The following DCHS2 variants were observed in gnomAD, a reference collection of about 807,000 sequenced individuals.
DCHS2 encodes the protein protocadherin-23.
DCHS2 carries 142 observed loss-of-function variants against 182.4 expected under a neutral mutation model. That is an observed-to-expected ratio of 0.78 (90% CI 0.68 to 0.89). The LOEUF (loss-of-function observed/expected upper bound fraction) is 0.89. DCHS2 is among the 40% of genes least tolerant of loss of function. DCHS2 has a pLI of 0.00. For synonymous variants in DCHS2, 1,740 were observed against 1,663.3 expected, an observed-to-expected ratio of 1.05 and a Z score of -1.12; for missense variants, 4,319 against 4,198.6, an observed-to-expected ratio of 1.03 and a Z score of -0.79.
Position 154,235,612 on chromosome 4 carries a change from C to T in DCHS2, c.9040G>A (p.Val3014Ile). 3 of 1,613,878 alleles carry T rather than the reference C, an allele frequency of 1.9e-6. No individual in the cohort carries two copies. Among genetic ancestry groups the T allele is most frequent in the Non-Finnish European group, 1.7e-6 (2 of 1,179,936 alleles). The change falls in exon 20 of 20, where the codon GTA becomes ATA. Residue 3014 changes from valine to isoleucine, a missense_variant. Transcript: ENST00000357232. Reference protein sequence around the residue: ...VFLILICILIVMILRHKQKDT... With the variant: ...VFLILICILIIMILRHKQKDT... ...TTTTGTTTATGTCTTAAAATCATTA[C>T]AATTAGAATGCAGATGAGTATCAGA...
intron 7 of DCHS2, chr4:154,323,204 A>C (rs1180300511): frequency 1.3e-6 from 2 of 1,550,526 alleles, no homozygotes; most frequent in African/African-American, 1.4e-5. Context: ...TGTTTTCCTT[A>C]AATTGGGAGG....
chr4:154,247,228 G>A lies in DCHS2; in HGVS notation c.6942-4456C>T, dbSNP rs577528982. Among the ~76,000 whole-genome samples, 7 of 152,306 alleles carry A rather than the reference G, an allele frequency of 4.6e-5. No homozygotes were observed. The South Asian group carries it at 1.5e-3, about 32-fold the overall frequency. ...GCAGTGGCTTATGCCTTTAATCCCA[G>A]CACTTTGGGAGGCTGAGGCGGGTGG... On this transcript the variant is annotated intron_variant, in intron 16 of 19. Coordinates refer to ENST00000357232, the MANE Select transcript of DCHS2 (RefSeq NM_001358235.2).
Position 154,320,685 on chromosome 4 carries a change from C to T in DCHS2, c.4714G>A (p.Val1572Met). ...ATGCTTTCTCTGTCAAGACGGGACA[C>T]AGTGACTAGTGTGCCAAATGAGGGG... ...IHPSFGTLVT[V>M]SRLDRESIPT... The change falls in exon 9 of 20, where the codon GTG becomes ATG. Residue 1572 changes from valine (V) to methionine (M), a missense_variant. By Grantham distance (21) the Val-to-Met change is conservative. Coordinates refer to ENST00000357232, the MANE Select transcript of DCHS2 (RefSeq NM_001358235.2). The T allele has an allele frequency of 2.5e-6, 4 of 1,614,106 alleles. No individual in the cohort carries two copies. The highest frequency in any genetic ancestry group is 3.4e-6 in the Non-Finnish European group (4 of 1,180,028).
chr4:154,234,209 C>T lies in DCHS2; in HGVS notation c.*327G>A, dbSNP rs1015083557. On this transcript the variant is annotated 3_prime_UTR_variant, in exon 20 of 20. Transcript: ENST00000357232. The stretch of plus-strand genomic sequence containing the variant: ...ACCAGAGTACACTATATTTTGTTTC[C>T]ATATAAACATTCTGGCAGTCAGTTA... The T allele has an allele frequency of 9.2e-6, 2 of 217,584 alleles. No homozygotes were observed. The highest frequency in any genetic ancestry group is 1.2e-4 in the South Asian group (1 of 8,610). 13.5% of individuals were successfully genotyped at this position (217,584 alleles called of 1,614,324 possible).
At chr4:154,315,470 G>A (rs1274820977) in intron 10 of DCHS2, among the ~76,000 whole-genome samples, 3 of 151,974 alleles carry the variant, frequency 2.0e-5, no homozygotes, top group East Asian at 1.9e-4. Flanking sequence ...TCCATACTTC[G>A]ATTATCAAGA....
chr4:154,414,882 T>C (rs1048904118), intron 1 of DCHS2, among the ~76,000 whole-genome samples: 2 of 152,224 alleles, frequency 1.3e-5, no homozygotes, highest in African/African-American at 4.8e-5. Flanking sequence ...TAGAATGATC[T>C]GAACCTGTGT....
intron 12 of DCHS2, among the ~76,000 whole-genome samples, chr4:154,302,762 G>A (rs536297343): frequency 1.1e-5 from 1 of 94,814 alleles, no homozygotes; most frequent in Admixed American, 1.1e-4. Flanking sequence ...CAGGAAAGAG[G>A]AAGGTGACAC....
intron 1 of DCHS2, among the ~76,000 whole-genome samples, chr4:154,439,210 A>T (rs992885480): frequency 9.2e-5 from 14 of 152,214 alleles, no homozygotes; most frequent in African/African-American, 3.4e-4. Flanking sequence ...ATACATATAC[A>T]TAGATTTATA....
chr4:154,479,796 A>G (rs1443960735), intron 1 of DCHS2, among the ~76,000 whole-genome samples: 1 of 152,204 alleles, frequency 6.6e-6, no homozygotes, highest in African/African-American at 2.4e-5. Context: ...TAATTTATAA[A>G]TTGGCCTCCC....
intron 3 of DCHS2, among the ~76,000 whole-genome samples, chr4:154,363,429 A>C (rs1730213079): frequency 6.6e-6 from 1 of 152,174 alleles, no homozygotes; most frequent in Admixed American, 6.5e-5. Context: ...ATGAACCTCA[A>C]GAACATTATG....
chr4:154,488,739 C>T (rs59138045), intron 1 of DCHS2, among the ~76,000 whole-genome samples: 25,391 of 151,786 alleles, frequency 0.17, 2,568 homozygotes, highest in Admixed American at 0.28. Flanking sequence ...CCCATCTCCA[C>T]TAAAAAAATA....
At chr4:154,439,576 C>T (rs1164095907) in intron 1 of DCHS2, among the ~76,000 whole-genome samples, 1 of 152,108 alleles carries the variant, frequency 6.6e-6, no homozygotes, top group African/African-American at 2.4e-5. Flanking sequence ...TCCTTAATCC[C>T]ATGAATCTGC....
At chr4:154,287,183 G>A (rs1439892935) in intron 13 of DCHS2, among the ~76,000 whole-genome samples, 1 of 152,104 alleles carries the variant, frequency 6.6e-6, no homozygotes. Context: ...ATCAACACCA[G>A]ACCTGTCTTA....
intron 3 of DCHS2, chr4:154,343,671 T>G (rs1162709089): frequency 7.0e-7 from 1 of 1,418,804 alleles, no homozygotes; most frequent in East Asian, 2.5e-5. Flanking sequence ...AGTTAGGACC[T>G]TGCTCTGGAT....
intron 1 of DCHS2, among the ~76,000 whole-genome samples, chr4:154,430,831 T>A (rs890352475): frequency 6.6e-6 from 1 of 152,162 alleles, no homozygotes; most frequent in African/African-American, 2.4e-5. Flanking sequence ...CAAAAGACCA[T>A]CCTACCCTGT....
intron 12 of DCHS2, 111 bp from the exon 13 acceptor site, chr4:154,298,819 A>G (rs1177646813): frequency 2.2e-6 from 3 of 1,383,312 alleles, no homozygotes; most frequent in Non-Finnish European, 2.8e-6. Context: ...TTTATTCCCG[A>G]TTATATTGTA....
chr4:154,235,214 A>AGAT lies in DCHS2; in HGVS notation c.9435_9437dup (p.Ser3146dup). On this transcript the variant is annotated inframe_insertion, in exon 20 of 20. Coordinates refer to ENST00000357232, the MANE Select transcript of DCHS2 (RefSeq NM_001358235.2). Reference sequence around the variant, plus strand: ...CAGTCACCATCACATCAGTTTCCCCAGATAGGCAGGAGAGCTGGTCTGAGT... The same window carrying AGAT: ...CAGTCACCATCACATCAGTTTCCCCAGATGATAGGCAGGAGAGCTGGTCTGAGT... 6.2e-7 allele frequency: 1 copy of AGAT among 1,614,056 alleles called. No individual in the cohort carries two copies. Among genetic ancestry groups the AGAT allele is most frequent in the Non-Finnish European group, 8.5e-7 (1 of 1,179,980 alleles).
intron 1 of DCHS2, among the ~76,000 whole-genome samples, chr4:154,390,826 G>A (rs1011596041): frequency 4.6e-5 from 7 of 152,136 alleles, no homozygotes; most frequent in African/African-American, 1.7e-4. Context: ...GAAACCATAT[G>A]TAAACAACAA....
At chr4:154,451,789 TG>T (rs1406932403) in intron 1 of DCHS2, among the ~76,000 whole-genome samples, 1 of 152,204 alleles carries the variant, frequency 6.6e-6, no homozygotes, top group Non-Finnish European at 1.5e-5. Flanking sequence ...TACTGATAAA[TG>T]GGATGAAGCC....
Sources: gnomAD v4.1 joint callset for allele counts (sites outside exome capture counted in the v4.1 genomes callset) on GRCh38, gnomAD v4.1.1 for gene constraint, MANE v1.5 for transcripts, NCBI Gene and HGNC (gene_info 2026-07-23, HGNC 2026-07-21) for gene names.